The following PDGFRA variants were observed in gnomAD, a reference collection of about 807,000 sequenced individuals.
PDGFRA encodes platelet-derived growth factor receptor alpha.
A neutral mutation model predicts 121.5 loss-of-function variants in PDGFRA; 25 were observed. That is an observed-to-expected ratio of 0.21 (90% CI 0.15 to 0.29). The LOEUF (loss-of-function observed/expected upper bound fraction) is 0.29. Among genes scored for constraint, PDGFRA ranks in the 10% least tolerant of loss-of-function variants. The probability of loss-of-function intolerance (pLI) is 1.00; values close to 1 mark genes in which losing one functional copy is unlikely to be tolerated. For missense variants in PDGFRA, 1,008 were observed against 1,345.1 expected, an observed-to-expected ratio of 0.75 and a Z score of 3.92; for synonymous variants, 463 against 494.8, an observed-to-expected ratio of 0.94 and a Z score of 0.85.
chr4:54,239,234 G>C (rs1721168300), intron 1 of PDGFRA, among the ~76,000 whole-genome samples: 1 of 152,230 alleles, frequency 6.6e-6, no homozygotes, highest in Non-Finnish European at 1.5e-5. Context: ...GGAATTACCT[G>C]TCCCTTTCAG....
At chr4:54,260,412 T>TG (rs199639840) in intron 2 of PDGFRA, among the ~76,000 whole-genome samples, 23,558 of 137,222 alleles carry the variant, frequency 0.17, 2,504 homozygotes, top group Admixed American at 0.3. Context: ...TTTTTTTTTT[T>TG]TTTTTTTTTT....
chr4:54,294,976 C>A, intron 22 of PDGFRA, 149 bp from the exon 23 acceptor site: 1 of 781,572 alleles, frequency 1.3e-6, no homozygotes, highest in South Asian at 1.5e-5. Context: ...CGTGGCCTAC[C>A]ACAGCATGTC....
At chr4:54,251,066 A>C (rs1722030728) in intron 1 of PDGFRA, among the ~76,000 whole-genome samples, 3 of 123,668 alleles carry the variant, frequency 2.4e-5, no homozygotes, top group African/African-American at 1.0e-4. Context: ...ACTCCGTCTC[A>C]AAAAAAAAAA....
intron 4 of PDGFRA, chr4:54,264,229 C>A: frequency 2.1e-6 from 1 of 484,346 alleles, no homozygotes; most frequent in Non-Finnish European, 3.6e-6. Context: ...CTATGGCGGC[C>A]CTAAAAACAA....
At chr4:54,286,926 G>C (rs1212805042) in intron 18 of PDGFRA, among the ~76,000 whole-genome samples, 1 of 152,104 alleles carries the variant, frequency 6.6e-6, no homozygotes, top group Non-Finnish European at 1.5e-5. Flanking sequence ...CTCCCTGTAG[G>C]TACAATTCCA....
Position 54,263,851 on chromosome 4 carries a change from A to C in PDGFRA, c.552A>C (p.Val184=). The change falls in exon 4 of 23, where the codon GTA becomes GTC. Residue 184 remains valine (V), a synonymous_variant. Coordinates refer to ENST00000257290, the MANE Select transcript of PDGFRA (RefSeq NM_006206.6). The stretch of plus-strand genomic sequence containing the variant: ...AGGGCTTTAATGGGACCTTCACTGT[A>C]GGGCCCTATATCTGTGAGGCCACCG... ...SRQGFNGTFT[V]GPYICEATVK... 2.5e-6 allele frequency: 4 copies of C among 1,613,900 alleles called. No homozygotes were observed. Among genetic ancestry groups the C allele is most frequent in the Non-Finnish European group, 3.4e-6 (4 of 1,179,818 alleles).
chr4:54,244,050 C>T (rs946273851), intron 1 of PDGFRA, among the ~76,000 whole-genome samples: 14 of 152,192 alleles, frequency 9.2e-5, no homozygotes, highest in Admixed American at 2.6e-4. Context: ...CTTAGGTAAA[C>T]AAAGCGGCTG....
intron 4 of PDGFRA, 181 bp downstream of exon 4, chr4:54,264,108 AG>A: frequency 1.6e-6 from 1 of 620,142 alleles, no homozygotes; most frequent in Non-Finnish European, 2.8e-6. Flanking sequence ...AAATTACTAA[AG>A]GCCAAAGCTT....
rs574665425 is a variant in PDGFRA, at chr4:54,297,608, T to C, written c.*2336T>C. The C allele has an allele frequency of 8.0e-4, 186 of 233,692 alleles. No individual in the cohort carries two copies. The highest frequency in any genetic ancestry group is 3.9e-3 in the African/African-American group (177 of 45,470). 14.5% of individuals were successfully genotyped at this position (233,692 alleles called of 1,614,324 possible). A position where few individuals can be genotyped will look rare whatever the true frequency, so the allele number is the denominator to read the frequency against. On this transcript the variant is annotated 3_prime_UTR_variant, in exon 23 of 23. Transcript: ENST00000257290. ...GATGAAACTTCTCAGTCCAGCAGTT[T>C]CCAGTCCTAACAAATGCTCCCACCT...
intron 4 of PDGFRA, chr4:54,264,215 C>T (rs930778401): frequency 1.2e-5 from 6 of 507,512 alleles, no homozygotes; most frequent in Non-Finnish European, 2.1e-5. Context: ...ATTCACATTC[C>T]TGACTATGGC....
In PDGFRA at chr4:54,270,644, A is replaced by C. The variant is rs200113704; in HGVS notation, c.1133A>C (p.Lys378Thr). The C allele has an allele frequency of 1.2e-6, 2 of 1,604,024 alleles. No individual in the cohort carries two copies. The highest frequency in any genetic ancestry group is 1.7e-5 in the Admixed American group (1 of 59,998). The change falls in exon 8 of 23, where the codon AAA (lysine) becomes ACA (threonine). Residue 378 changes from lysine (K) to threonine (T), a missense_variant. Physicochemically the swap from Lys to Thr is moderately conservative, Grantham distance 78. Around this residue, in one of 5 missense-constraint regions of PDGFRA, gnomAD observed 575 missense variants for 701.8 expected, o/e 0.82. Transcript: ENST00000257290. ...EKIQEIRYRS[K>T]LKLIRAKEED... ...CCTTTTTTTAAAAGGTATCGAAGCA[A>C]ATTAAAGCTGATCCGTGCTAAGGAA...
At chr4:54,245,344 A>G (rs556665830) in intron 1 of PDGFRA, among the ~76,000 whole-genome samples, 4 of 152,372 alleles carry the variant, frequency 2.6e-5, no homozygotes, top group Admixed American at 2.6e-4. Context: ...AGGGAAGCCC[A>G]TCAGACTAAC....
intron 1 of PDGFRA, among the ~76,000 whole-genome samples, chr4:54,248,085 A>G (rs1395085036): frequency 2.6e-5 from 4 of 152,234 alleles, no homozygotes; most frequent in African/African-American, 7.2e-5. Flanking sequence ...CAAATGGAAG[A>G]CCATTCCATG....
At chr4:54,283,069 G>T (rs1724152747) in intron 16 of PDGFRA, among the ~76,000 whole-genome samples, 1 of 152,204 alleles carries the variant, frequency 6.6e-6, no homozygotes. Flanking sequence ...TCGAGTGCCT[G>T]TGGTTTTTCC....
rs1560493303 is a variant in PDGFRA at position 54,290,558 on chromosome 4, G to A, written c.3122+4G>A. ...TGGGCAAGAGGAACAGACACAGGTA[G>A]CTGTGGGGGCAGCCTCGGTGTCTCA... is the stretch of plus-strand genomic sequence containing the variant. On this transcript the variant is annotated splice_donor_region_variant and intron_variant, in intron 22 of 22. Transcript: ENST00000257290. 6.2e-7 allele frequency: 1 copy of A among 1,614,110 alleles called. No individual in the cohort carries two copies. Among genetic ancestry groups the A allele is most frequent in the South Asian group, 1.1e-5 (1 of 91,084 alleles).
At chr4:54,285,043 G>A (rs1485085618) in intron 16 of PDGFRA, among the ~76,000 whole-genome samples, 1 of 151,622 alleles carries the variant, frequency 6.6e-6, no homozygotes, top group African/African-American at 2.4e-5. Flanking sequence ...ACAGGCACAT[G>A]CCACCATGCC....
chr4:54,294,724 T>G (rs1451380051), intron 22 of PDGFRA, among the ~76,000 whole-genome samples: 2 of 152,144 alleles, frequency 1.3e-5, no homozygotes, highest in African/African-American at 4.8e-5. Context: ...GTTTGGATGC[T>G]CAGGAGGCTT....
chr4:54,278,147 T>A lies in PDGFRA; in HGVS notation c.2002+141T>A, dbSNP rs972761107. Reference sequence around the variant, plus strand: ...CCCTTGAATGGAGCTGACTGGTCCCTTGAATTGATGGAAGCTCATTGGTTT... The same window carrying A: ...CCCTTGAATGGAGCTGACTGGTCCCATGAATTGATGGAAGCTCATTGGTTT... On this transcript the variant is annotated intron_variant, in intron 14 of 22. Coordinates refer to ENST00000257290, the MANE Select transcript of PDGFRA (RefSeq NM_006206.6). 2.6e-5 allele frequency: 19 copies of A among 731,224 alleles called. No individual in the cohort carries two copies. In the African/African-American group the frequency reaches 3.3e-4, roughly 13 times the overall value. 45.3% of individuals were successfully genotyped at this position (731,224 alleles called of 1,614,324 possible).
intron 1 of PDGFRA, among the ~76,000 whole-genome samples, chr4:54,233,384 C>T (rs531587675): frequency 6.6e-6 from 1 of 152,222 alleles, no homozygotes; most frequent in African/African-American, 2.4e-5. Flanking sequence ...GCGCAGCACT[C>T]CCGGCTGCGC....
Sources: gnomAD v4.1 joint callset for allele counts (sites outside exome capture counted in the v4.1 genomes callset) on GRCh38, gnomAD v4.1.1 for gene constraint, gnomAD v4.1.1 regional missense constraint, MANE v1.5 for transcripts, NCBI Gene and HGNC (gene_info 2026-07-23, HGNC 2026-07-21) for gene names.